The following SIPA1L2 variants were observed in gnomAD, a reference collection of about 807,000 sequenced individuals.
SIPA1L2 encodes the protein signal-induced proliferation-associated 1-like protein 2.
Under a neutral mutation model 163.9 loss-of-function variants are expected in SIPA1L2, and 56 were observed. That is an observed-to-expected ratio of 0.34 (90% CI 0.28 to 0.43). The LOEUF (loss-of-function observed/expected upper bound fraction) is 0.43, where lower values mean the gene tolerates loss of function less well. Among genes scored for constraint, SIPA1L2 ranks in the 20% least tolerant of loss-of-function variants. The pLI, the probability that SIPA1L2 is intolerant of heterozygous loss-of-function variation, is 1.00. For missense variants in SIPA1L2, 1,974 were observed against 2,193.5 expected (o/e 0.90, Z 2.00); for synonymous variants, 877 against 865.7 (o/e 1.01, Z -0.23).
chr1:232,505,400 A>G (rs1381928684), intron 3 of SIPA1L2, among the ~76,000 whole-genome samples: 1 of 152,238 alleles, frequency 6.6e-6, no homozygotes, highest in African/African-American at 2.4e-5. Flanking sequence ...AATGCCAACA[A>G]GTGTTGTCAG....
chr1:232,560,393 C>CTGG (rs1658961276), intron 2 of SIPA1L2, among the ~76,000 whole-genome samples: 1 of 152,230 alleles, frequency 6.6e-6, no homozygotes. Context: ...ATACGCTGCA[C>CTGG]TGGTATTTAA....
At chr1:232,613,940 G>A (rs937030035) in intron 1 of SIPA1L2, among the ~76,000 whole-genome samples, 4 of 152,152 alleles carry the variant, frequency 2.6e-5, no homozygotes, top group African/African-American at 9.7e-5. Flanking sequence ...AACAATAACA[G>A]AACACTTAGC....
At position 232,398,651 on chromosome 1, in the gene SIPA1L2, C is replaced by G. The variant is rs933404281; in HGVS notation, c.*476G>C. ...TGGTAATGTGGCTGTGGAAATAAAA[C>G]TACTGTACATCCAAAAAAATAGAGC... On this transcript the variant is annotated 3_prime_UTR_variant, in exon 23 of 23. Transcript: ENST00000674635. 1 of 152,622 alleles carries G rather than the reference C, an allele frequency of 6.6e-6. No homozygotes were observed. Among genetic ancestry groups the G allele is most frequent in the African/African-American group, 2.4e-5 (1 of 41,154 alleles). 9.5% of individuals were successfully genotyped at this position (152,622 alleles called of 1,614,324 possible).
chr1:232,572,418 G>A (rs1659783524), intron 2 of SIPA1L2, among the ~76,000 whole-genome samples: 3 of 152,142 alleles, frequency 2.0e-5, no homozygotes, highest in East Asian at 1.9e-4. Context: ...CAGTCTCAAC[G>A]GTTTTCATTA....
intron 3 of SIPA1L2, among the ~76,000 whole-genome samples, chr1:232,512,299 G>A (rs1029371418): frequency 1.3e-5 from 2 of 152,164 alleles, no homozygotes; most frequent in African/African-American, 4.8e-5. Context: ...AGCTATTGTG[G>A]AAGACAGTGT....
intron 2 of SIPA1L2, among the ~76,000 whole-genome samples, chr1:232,540,875 G>C (rs1175539787): frequency 1.3e-5 from 2 of 152,176 alleles, no homozygotes; most frequent in Admixed American, 6.5e-5. Flanking sequence ...CACTCACTGT[G>C]TGTTGTTTGT....
At chr1:232,504,924 G>A (rs1572997080) in intron 3 of SIPA1L2, among the ~76,000 whole-genome samples, 1 of 152,264 alleles carries the variant, frequency 6.6e-6, no homozygotes, top group East Asian at 1.9e-4. Flanking sequence ...CTCACGGAAA[G>A]CAGCTTGAGG....
At chr1:232,451,903 T>C (rs1663603820) in intron 10 of SIPA1L2, among the ~76,000 whole-genome samples, 2 of 140,968 alleles carry the variant, frequency 1.4e-5, no homozygotes, top group Non-Finnish European at 3.1e-5. Flanking sequence ...TTTTTCACAT[T>C]TCTTGTCTAG....
In SIPA1L2 at chr1:232,402,434, C is replaced by G; in HGVS notation, c.4980G>C (p.Gln1660His). The G allele has an allele frequency of 6.2e-7, 1 of 1,613,722 alleles. No individual in the cohort carries two copies. Among genetic ancestry groups the G allele is most frequent in the African/African-American group, 1.3e-5 (1 of 75,056 alleles). ...SPSPLTGKVN[Q>H]LELILRQLQT... ...GGAGTTGTCGAAGAATTAATTCCAG[C>G]TGATTGACTTTCCCGGTCAGTGGTG... The change falls in exon 22 of 23, where the codon CAG (glutamine) becomes CAC (histidine). Residue 1660 changes from glutamine to histidine, a missense_variant. Physicochemically the swap from Gln to His is conservative, Grantham distance 24. Coordinates refer to ENST00000674635, the MANE Select transcript of SIPA1L2 (RefSeq NM_020808.5).
intron 15 of SIPA1L2, among the ~76,000 whole-genome samples, chr1:232,437,528 TG>T (rs1662638459): frequency 6.6e-6 from 1 of 152,234 alleles, no homozygotes; most frequent in Non-Finnish European, 1.5e-5. Context: ...TGGACACACA[TG>T]ATTTCTACTC....
chr1:232,425,630 G>GGCA lies in SIPA1L2; in HGVS notation c.4586_4588dup (p.Leu1529dup). 6.2e-7 allele frequency: 1 copy of GGCA among 1,610,890 alleles called. No individual in the cohort carries two copies. The highest frequency in any genetic ancestry group is 8.5e-7 in the Non-Finnish European group (1 of 1,178,780). On this transcript the variant is annotated inframe_insertion, in exon 18 of 23. Coordinates refer to ENST00000674635, the MANE Select transcript of SIPA1L2 (RefSeq NM_020808.5). ...GCTGGGTGCGGGGTGGGCCCGCGGAGGCAGCGTGCTGTGGTAGGGTGGGGT... is the reference window on the plus strand; with the variant it reads ...GCTGGGTGCGGGGTGGGCCCGCGGAGGCAGCAGCGTGCTGTGGTAGGGTGGGGT...
chr1:232,406,614 G>A (rs548514394), intron 19 of SIPA1L2, among the ~76,000 whole-genome samples: 175 of 152,214 alleles, frequency 1.1e-3, no homozygotes, highest in Admixed American at 2.0e-3. Flanking sequence ...GGGGTGAATG[G>A]TCTGATCAAC....
At chr1:232,491,950 G>A (rs1383692645) in intron 4 of SIPA1L2, among the ~76,000 whole-genome samples, 1 of 152,012 alleles carries the variant, frequency 6.6e-6, no homozygotes, top group Non-Finnish European at 1.5e-5. Flanking sequence ...ATGTCACTAA[G>A]GAAAAGGATT....
Position 232,432,435 on chromosome 1 carries a change from A to C in SIPA1L2, c.4068T>G (p.Cys1356Trp), listed in dbSNP as rs772324557. Reference protein sequence around the residue: ...SHHSGSPSAHCSKSSGSLDSS... With the variant: ...SHHSGSPSAHWSKSSGSLDSS... ...AATCCAGAGACCCACTACTTTTTGA[A>C]CAGTGAGCTGAAGGGCTTCCTGAAT... Residue 1356 changes from cysteine (C) to tryptophan (W), a missense_variant, in exon 16 of 23, where the codon TGT becomes TGG. Cys to Trp is a radical substitution (Grantham distance 215). This residue lies in a region of SIPA1L2 where 1,079 missense variants were observed against 1,150.7 expected (regional missense o/e 0.94). Coordinates refer to ENST00000674635, the MANE Select transcript of SIPA1L2 (RefSeq NM_020808.5). 6.2e-7 allele frequency: 1 copy of C among 1,614,254 alleles called. No individual in the cohort carries two copies. Among genetic ancestry groups the C allele is most frequent in the Non-Finnish European group, 8.5e-7 (1 of 1,180,046 alleles).
chr1:232,594,499 C>T (rs767260125), intron 1 of SIPA1L2, among the ~76,000 whole-genome samples: 4 of 152,134 alleles, frequency 2.6e-5, no homozygotes, highest in African/African-American at 7.2e-5. Flanking sequence ...CCACAGCCAT[C>T]GCTCTGTCTG....
intron 7 of SIPA1L2, among the ~76,000 whole-genome samples, chr1:232,474,474 A>G (rs10797573): frequency 0.29 from 44,651 of 152,056 alleles, 7,347 homozygotes; most frequent in East Asian, 0.73. Flanking sequence ...TAAACAAACC[A>G]GTATCTCACA....
At chr1:232,414,089 G>A (rs1661109136) in intron 19 of SIPA1L2, among the ~76,000 whole-genome samples, 1 of 151,562 alleles carries the variant, frequency 6.6e-6, no homozygotes, top group Non-Finnish European at 1.5e-5. Context: ...ATCAGAGAAT[G>A]AGGGTCTCCC....
At chr1:232,553,186 A>C (rs1414540771) in intron 2 of SIPA1L2, among the ~76,000 whole-genome samples, 1 of 152,072 alleles carries the variant, frequency 6.6e-6, no homozygotes, top group African/African-American at 2.4e-5. Flanking sequence ...GAGTGGGAGG[A>C]TCATCTTCCC....
At chr1:232,533,190 G>C (rs1276978497) in intron 2 of SIPA1L2, among the ~76,000 whole-genome samples, 1 of 152,184 alleles carries the variant, frequency 6.6e-6, no homozygotes, top group Non-Finnish European at 1.5e-5. Flanking sequence ...GGGGCCCCCA[G>C]ACAGTTTTTA....
Sources: gnomAD v4.1 joint callset for allele counts (sites outside exome capture counted in the v4.1 genomes callset) on GRCh38, gnomAD v4.1.1 for gene constraint, gnomAD v4.1.1 regional missense constraint, MANE v1.5 for transcripts, NCBI Gene and HGNC (gene_info 2026-07-23, HGNC 2026-07-21) for gene names.